Variants in PCDHGB1 observed in about 807,000 individuals in gnomAD.
PCDHGB1 encodes protocadherin gamma subfamily B, 1, also known as protocadherin gamma-B1.
PCDHGB1 carries 34 observed loss-of-function variants against 56.6 expected under a neutral mutation model. That is an observed-to-expected ratio of 0.60 (90% confidence interval 0.46 to 0.80). PCDHGB1 has a LOEUF of 0.80. PCDHGB1 is among the 30% of genes least tolerant of loss of function. The probability of loss-of-function intolerance (pLI) is 0.00; values close to 1 mark genes in which losing one functional copy is unlikely to be tolerated. For synonymous variants in PCDHGB1, 561 were observed against 505.9 expected, an observed-to-expected ratio of 1.11 and a Z score of -1.46; for missense variants, 1,278 against 1,204.6, an observed-to-expected ratio of 1.06 and a Z score of -0.90.
At chr5:141,469,468 G>A (rs62379200) in intron 1 of PCDHGB1, among the ~76,000 whole-genome samples, 32,669 of 151,998 alleles carry the variant, frequency 0.21, 3,638 homozygotes, top group African/African-American at 0.27. Context: ...TCAGCTACTC[G>A]GGAGGCTGAG....
rs73792170 is a variant in PCDHGB1, at chr5:141,365,536, T to C, written c.2409+12867T>C. The C allele has an allele frequency of 3.4e-3, 5,425 of 1,613,776 alleles. 115 individuals are homozygous for C. In the African/African-American group the frequency reaches 0.05, roughly 15 times the overall value. On this transcript the variant is annotated intron_variant, in intron 1 of 3. Transcript: ENST00000523390. ...TGGAGAAGTCAGTTGATAATTACTATCACCTATTAACAACTAGGGACCTGG... is the reference window on the plus strand; with the variant it reads ...TGGAGAAGTCAGTTGATAATTACTACCACCTATTAACAACTAGGGACCTGG...
chr5:141,424,116 T>G, intron 1 of PCDHGB1: 1 of 667,648 alleles, frequency 1.5e-6, no homozygotes, highest in Non-Finnish European at 1.9e-6. Context: ...GTTCAAATTT[T>G]GATCCTGTTG....
At chr5:141,377,979 G>A (rs887213407) in intron 1 of PCDHGB1, 1 of 152,086 alleles carries the variant, frequency 6.6e-6, no homozygotes, top group African/African-American at 2.4e-5. Context: ...ATGTTCCTGG[G>A]TTGCAATCCT....
At chr5:141,423,187 C>G in intron 1 of PCDHGB1, 5 of 1,613,640 alleles carry the variant, frequency 3.1e-6, no homozygotes, top group Middle Eastern at 1.6e-4. Context: ...CGGCCAGCCC[C>G]CTCTCTCGGC....
At chr5:141,365,047 G>T (rs1436850571) in intron 1 of PCDHGB1, 15 of 1,613,686 alleles carry the variant, frequency 9.3e-6, no homozygotes, top group Non-Finnish European at 1.3e-5. Flanking sequence ...ACGACAATGC[G>T]CCCCTGTTCA....
Position 141,487,265 on chromosome 5 carries a change from G to C in PCDHGB1, c.2410-7542G>C, listed in dbSNP as rs144347539. 6,978 of 1,614,152 alleles carry C rather than the reference G, an allele frequency of 4.3e-3. 28 individuals carry two copies. Among genetic ancestry groups the C allele is most frequent in the Non-Finnish European group, 4.9e-3 (5,770 of 1,180,028 alleles). ...AACCCTCTACTTGGCTGTGTCCCTA[G>C]TGGCAATTTGCTTTGTCTCCTTTGG... On this transcript the variant is annotated intron_variant, in intron 1 of 3. Coordinates refer to ENST00000523390, the MANE Select transcript of PCDHGB1 (RefSeq NM_018922.3). This position sits in a 1 kb window ranked among gnomAD's most constrained non-coding sequence, Gnocchi z 5.0.
chr5:141,372,676 C>G (rs370799055), intron 1 of PCDHGB1: 1 of 1,613,898 alleles, frequency 6.2e-7, no homozygotes, highest in African/African-American at 1.3e-5. Context: ...TCACATTCCT[C>G]AAACACCGAG....
chr5:141,452,494 T>C (rs1186924396), intron 1 of PCDHGB1, among the ~76,000 whole-genome samples: 2 of 152,192 alleles, frequency 1.3e-5, no homozygotes, highest in African/African-American at 4.8e-5. Flanking sequence ...CACACCCATA[T>C]TTATATTTGT....
intron 1 of PCDHGB1, chr5:141,422,576 CTCCCGTTTT>C: frequency 6.2e-7 from 1 of 1,614,034 alleles, no homozygotes; most frequent in African/African-American, 1.3e-5. Context: ...AACGATAACC[CTCCCGTTTT>C]TCCTCACTCC....
chr5:141,509,132 G>A (rs1261849657), intron 3 of PCDHGB1, among the ~76,000 whole-genome samples: 1 of 152,150 alleles, frequency 6.6e-6, no homozygotes, highest in Admixed American at 6.5e-5. Flanking sequence ...GAGAAAAACC[G>A]AGGCGCATCC....
intron 1 of PCDHGB1, chr5:141,395,555 TGTGTG>T: frequency 9.9e-6 from 1 of 101,256 alleles, no homozygotes; most frequent in Non-Finnish European, 1.7e-5. Context: ...TGTGTGTGTG[TGTGTG>T]TGTGTGTGTG....
At position 141,404,735 on chromosome 5, in the gene PCDHGB1, G is replaced by A. The variant is rs2094561317; in HGVS notation, c.2409+52066G>A. The stretch of plus-strand genomic sequence containing the variant: ...CCTGGTGACCAAGGTGGTGGCAGTG[G>A]ACAGAGACTCAGGCCAGAATGCTTG... On this transcript the variant is annotated intron_variant, in intron 1 of 3. Transcript: ENST00000523390. 6.2e-7 allele frequency: 1 copy of A among 1,614,014 alleles called. No homozygotes were observed. The highest frequency in any genetic ancestry group is 8.5e-7 in the Non-Finnish European group (1 of 1,180,032).
intron 1 of PCDHGB1, among the ~76,000 whole-genome samples, chr5:141,439,459 A>C (rs558086952): frequency 6.6e-6 from 1 of 152,222 alleles, no homozygotes. Flanking sequence ...GCAAGACTGC[A>C]CTGCTGCCTT....
At chr5:141,365,006 A>G in intron 1 of PCDHGB1, 1 of 1,613,882 alleles carries the variant, frequency 6.2e-7, no homozygotes, top group Non-Finnish European at 8.5e-7. Flanking sequence ...CTCCGGCACC[A>G]CGCACATCCG....
At chr5:141,423,567 C>T (rs771827702) in intron 1 of PCDHGB1, 4 of 1,613,602 alleles carry the variant, frequency 2.5e-6, no homozygotes, top group Admixed American at 1.7e-5. Flanking sequence ...GGGACACGCT[C>T]ATCAGCCAGG....
At chr5:141,442,837 A>C (rs2098346617) in intron 1 of PCDHGB1, among the ~76,000 whole-genome samples, 1 of 152,202 alleles carries the variant, frequency 6.6e-6, no homozygotes, top group South Asian at 2.1e-4. Flanking sequence ...GGGAGGGACA[A>C]ATCTTGGCCA....
intron 1 of PCDHGB1, chr5:141,404,104 T>C (rs2094485215): frequency 1.2e-6 from 2 of 1,613,640 alleles, no homozygotes; most frequent in East Asian, 2.2e-5. Flanking sequence ...AAGTTGTCTG[T>C]TCTATCCAGG....
chr5:141,415,920 G>T, intron 1 of PCDHGB1: 1 of 692,798 alleles, frequency 1.4e-6, no homozygotes, highest in Non-Finnish European at 2.0e-6. Context: ...AGAAGTGCCT[G>T]TCAATTTATA....
intron 1 of PCDHGB1, chr5:141,384,779 G>A (rs1252058358): frequency 6.2e-6 from 10 of 1,613,592 alleles, no homozygotes; most frequent in East Asian, 2.2e-5. Context: ...GGCGAGGTGC[G>A]CACGGCTCGG....
Sources: allele counts gnomAD v4.1 joint callset (sites outside exome capture counted in the v4.1 genomes callset), GRCh38; gene constraint gnomAD v4.1.1; non-coding constraint Gnocchi (gnomAD v3.1); transcripts MANE v1.5; gene names NCBI Gene and HGNC (gene_info 2026-07-23, HGNC 2026-07-21).